Variants in FMO4 observed in about 807,000 individuals in gnomAD.
FMO4 encodes dimethylaniline monooxygenase [N-oxide-forming] 4.
FMO4 carries 38 observed loss-of-function variants against 43.3 expected under a neutral mutation model. That is an observed-to-expected ratio of 0.88 (90% CI 0.68 to 1.15). The LOEUF is 1.15. Ranked by LOEUF, FMO4 falls within the 50% of genes most tolerant of loss-of-function variation. The pLI, the probability that FMO4 is intolerant of heterozygous loss-of-function variation, is 0.00. For missense variants in FMO4, 631 were observed against 663.3 expected (o/e 0.95, Z 0.54); for synonymous variants, 224 against 232.2 (o/e 0.96, Z 0.32).
intron 5 of FMO4, among the ~76,000 whole-genome samples, chr1:171,329,464 G>C (rs1466688727): frequency 2.6e-5 from 4 of 152,176 alleles, no homozygotes; most frequent in Non-Finnish European, 5.9e-5. Flanking sequence ...CCTTACGCTG[G>C]TGTCAGACTG....
In FMO4 at chr1:171,336,641, T is replaced by C. The variant is rs184881256; in HGVS notation, c.1181-715T>C. On this transcript the variant is annotated intron_variant, in intron 8 of 9. Coordinates refer to ENST00000367749, the MANE Select transcript of FMO4 (RefSeq NM_002022.3). ...TTTTTAGAGACCAGTCCTCACTCCA[T>C]TGCCCAGGCTGGAGTGCAGTGGCGT... Among the ~76,000 whole-genome samples, 542 of 152,222 alleles carry C rather than the reference T, an allele frequency of 3.6e-3. 2 individuals carry two copies. The highest frequency in any genetic ancestry group is 0.012 in the African/African-American group (496 of 41,550).
intron 5 of FMO4, among the ~76,000 whole-genome samples, chr1:171,327,442 TTTTG>T (rs1293049719): frequency 2.6e-5 from 4 of 152,158 alleles, no homozygotes; most frequent in Non-Finnish European, 2.9e-5. Context: ...AACCTCCCTG[TTTTG>T]TTTGTTTGGT....
At chr1:171,318,585 A>G (rs1234611553) in intron 2 of FMO4, among the ~76,000 whole-genome samples, 2 of 152,152 alleles carry the variant, frequency 1.3e-5, no homozygotes, top group Admixed American at 1.3e-4. Flanking sequence ...GAACATCCCA[A>G]ATCTAAAATC....
chr1:171,340,318 G>A (rs1303883274), intron 9 of FMO4, among the ~76,000 whole-genome samples: 6 of 152,096 alleles, frequency 3.9e-5, no homozygotes, highest in Admixed American at 2.0e-4. Flanking sequence ...TGCAAAGTCC[G>A]ATTATGTTGG....
At chr1:171,333,228 T>A (rs1163498818) in intron 7 of FMO4, 1 of 256,842 alleles carries the variant, frequency 3.9e-6, no homozygotes, top group Non-Finnish European at 7.5e-6. Flanking sequence ...TTGATGTTGT[T>A]TTTGTTCTTG....
Position 171,334,697 on chromosome 1 carries a change from G to C in FMO4, c.1114G>C (p.Gly372Arg). The C allele has an allele frequency of 6.2e-7, 1 of 1,609,870 alleles. No homozygotes were observed. The highest frequency in any genetic ancestry group is 2.2e-5 in the East Asian group (1 of 44,840). The change falls in exon 8 of 10, where the codon GGC becomes CGC. Residue 372 changes from glycine (G) to arginine (R), a missense_variant. By Grantham distance (125) the Gly-to-Arg change is moderately radical. Transcript: ENST00000367749. ...GACATTAGCCATCATCGGCCTTATC[G>C]GCCTTAAAGGATCCATCTTATCAGG... Reference protein sequence around the residue: ...RATLAIIGLIGLKGSILSGTE... With the variant: ...RATLAIIGLIRLKGSILSGTE...
At chr1:171,321,074 C>A (rs1024694648) in intron 3 of FMO4, among the ~76,000 whole-genome samples, 2 of 151,912 alleles carry the variant, frequency 1.3e-5, no homozygotes, top group Non-Finnish European at 2.9e-5. Context: ...ATATTGTTAA[C>A]CTCATCAAGC....
intron 2 of FMO4, among the ~76,000 whole-genome samples, chr1:171,316,680 G>A (rs1370928180): frequency 6.6e-6 from 1 of 152,036 alleles, no homozygotes; most frequent in Non-Finnish European, 1.5e-5. Context: ...ACTAAATAGG[G>A]ACTCCCAAAT....
At chr1:171,331,431 A>C (rs553907224) in intron 5 of FMO4, among the ~76,000 whole-genome samples, 2 of 152,312 alleles carry the variant, frequency 1.3e-5, no homozygotes, top group East Asian at 3.9e-4. Flanking sequence ...TATGTTTTTA[A>C]CAAGGCAGTT....
chr1:171,319,578 G>A (rs1441691315), intron 2 of FMO4, among the ~76,000 whole-genome samples: 1 of 152,106 alleles, frequency 6.6e-6, no homozygotes, highest in African/African-American at 2.4e-5. Context: ...TTACAGGTGA[G>A]AAAACTGAGT....
intron 9 of FMO4, among the ~76,000 whole-genome samples, chr1:171,338,842 G>A (rs1376469886): frequency 6.6e-6 from 1 of 152,110 alleles, no homozygotes; most frequent in African/African-American, 2.4e-5. Flanking sequence ...TTGACAGCAA[G>A]GACTTTGTTT....
intron 9 of FMO4, among the ~76,000 whole-genome samples, chr1:171,339,787 C>T (rs1160870501): frequency 1.3e-5 from 2 of 152,174 alleles, no homozygotes; most frequent in East Asian, 1.9e-4. Flanking sequence ...AGCCACAGAC[C>T]GAGAGGAAAA....
intron 9 of FMO4, among the ~76,000 whole-genome samples, chr1:171,340,419 T>C (rs1663322742): frequency 6.6e-6 from 1 of 152,164 alleles, no homozygotes; most frequent in Non-Finnish European, 1.5e-5. Context: ...ATTTCAGGAA[T>C]TTAAAATTAA....
In FMO4 at chr1:171,316,189, T is replaced by G. The variant is rs897368372; in HGVS notation, c.-147T>G. 2 of 152,156 alleles carry G rather than the reference T, an allele frequency of 1.3e-5. No individual in the cohort carries two copies. Among genetic ancestry groups the G allele is most frequent in the Admixed American group, 6.6e-5 (1 of 15,260 alleles). 9.4% of individuals were successfully genotyped at this position (152,156 alleles called of 1,614,324 possible). Reference sequence around the variant, plus strand: ...TCTTTTTACCTTATGATTGCAGAGATAGAGCACAGCAAAGATCTGCCAGCC... The same window carrying G: ...TCTTTTTACCTTATGATTGCAGAGAGAGAGCACAGCAAAGATCTGCCAGCC... On this transcript the variant is annotated 5_prime_UTR_variant, in exon 2 of 10. The change abolishes the stop of an existing upstream ORF in the 5' untranslated region. Coordinates refer to ENST00000367749, the MANE Select transcript of FMO4 (RefSeq NM_002022.3).
rs199648085 is a variant in FMO4 at position 171,324,253 on chromosome 1, G to A, written c.437G>A (p.Cys146Tyr). Residue 146 changes from cysteine (C) to tyrosine (Y), a missense_variant, in exon 5 of 10, where the codon TGC becomes TAC. By Grantham distance (194) the Cys-to-Tyr change is radical. Coordinates refer to ENST00000367749, the MANE Select transcript of FMO4 (RefSeq NM_002022.3). ...GCTGTCTTTGATGCTGTTATGGTTT[G>A]CACTGGACATTTCCTGAATCCCCAT... ...NRAVFDAVMV[C>Y]TGHFLNPHLP... 1 of 1,612,514 alleles carries A rather than the reference G, an allele frequency of 6.2e-7. No individual in the cohort carries two copies. Among genetic ancestry groups the A allele is most frequent in the Non-Finnish European group, 8.5e-7 (1 of 1,179,276 alleles).
At chr1:171,336,842 T>A (rs1251855526) in intron 8 of FMO4, among the ~76,000 whole-genome samples, 3 of 152,024 alleles carry the variant, frequency 2.0e-5, no homozygotes, top group African/African-American at 7.2e-5. Flanking sequence ...ACTTAAGCTG[T>A]CCTCCTACCT....
intron 8 of FMO4, 69 bp from the exon 9 acceptor site, chr1:171,337,287 G>A: frequency 2.0e-6 from 2 of 1,016,832 alleles, no homozygotes; most frequent in Non-Finnish European, 3.1e-6. Flanking sequence ...CTAGAAATGA[G>A]TGGGTGGAGA....
intron 1 of FMO4, among the ~76,000 whole-genome samples, chr1:171,315,043 G>A (rs893909045): frequency 6.6e-6 from 1 of 152,262 alleles, no homozygotes; most frequent in East Asian, 1.9e-4. Context: ...TGTAATCCCA[G>A]CACTTTGGAA....
chr1:171,324,222 A>G lies in FMO4; in HGVS notation c.406A>G (p.Asn136Asp). Residue 136 changes from asparagine to aspartate, a missense_variant, in exon 5 of 10, where the codon AAT (asparagine) becomes GAT (aspartate). By Grantham distance (23) the Asn-to-Asp change is conservative. Transcript: ENST00000367749. The part of the protein sequence containing the change: ...DVVTETEGKQ[N>D]RAVFDAVMVC... The stretch of plus-strand genomic sequence containing the variant: ...TGTCACAGAGACAGAGGGCAAGCAA[A>G]ATAGAGCTGTCTTTGATGCTGTTAT... 1 of 1,613,800 alleles carries G rather than the reference A, an allele frequency of 6.2e-7. No individual in the cohort carries two copies. The highest frequency in any genetic ancestry group is 1.3e-5 in the African/African-American group (1 of 75,020).
Sources: gnomAD v4.1 joint callset for allele counts (sites outside exome capture counted in the v4.1 genomes callset) on GRCh38, gnomAD v4.1.1 for gene constraint, MANE v1.5 for transcripts, NCBI Gene and HGNC (gene_info 2026-07-23, HGNC 2026-07-21) for gene names.